ZNF107: variants seen among roughly 807,000 people sequenced by gnomAD.
ZNF107 encodes the protein C2H2 type zinc-finger protein.
In ZNF107, 19 loss-of-function variants were observed where a neutral mutation model predicts 12.3. The observed-to-expected ratio is 1.55, with a 90% CI of 1.08 to 2.27. The LOEUF is 2.27. Among genes scored for constraint, ZNF107 ranks in the 30% most tolerant of loss-of-function variants. The probability of loss-of-function intolerance (pLI) is 0.00; values close to 1 mark genes in which losing one functional copy is unlikely to be tolerated. For synonymous variants in ZNF107, 317 were observed against 330.5 expected (o/e 0.96, Z 0.44); for missense variants, 958 against 979.9 (o/e 0.98, Z 0.30).
intron 1 of ZNF107, among the ~76,000 whole-genome samples, chr7:64,673,167 C>T (rs1290064757): frequency 1.3e-5 from 2 of 152,156 alleles, no homozygotes; most frequent in Non-Finnish European, 2.9e-5. Context: ...CCTCAGCCTC[C>T]CGAGTAGCTG....
chr7:64,703,128 A>G (rs563362549), intron 3 of ZNF107, among the ~76,000 whole-genome samples: 42 of 152,264 alleles, frequency 2.8e-4, no homozygotes, highest in African/African-American at 9.9e-4. Flanking sequence ...TTTATGTTAT[A>G]TATTTTAGGA....
At chr7:64,667,951 C>CG (rs71567858) in intron 1 of ZNF107, among the ~76,000 whole-genome samples, 6 of 138,900 alleles carry the variant, frequency 4.3e-5, no homozygotes, top group African/African-American at 1.4e-4. Context: ...TTCCAGAAGA[C>CG]AAAAAAAAAA....
intron 1 of ZNF107, among the ~76,000 whole-genome samples, chr7:64,680,901 G>A (rs928481642): frequency 6.6e-6 from 1 of 152,276 alleles, no homozygotes; most frequent in Admixed American, 6.5e-5. Context: ...TGGCCTGTAG[G>A]GATTTCAAGG....
At chr7:64,688,413 C>T (rs895608112) in intron 1 of ZNF107, among the ~76,000 whole-genome samples, 2 of 152,034 alleles carry the variant, frequency 1.3e-5, no homozygotes, top group African/African-American at 2.4e-5. Flanking sequence ...CGCACCAAGA[C>T]GTACAGCTAA....
At chr7:64,671,843 G>A (rs1282942976) in intron 1 of ZNF107, among the ~76,000 whole-genome samples, 5 of 146,638 alleles carry the variant, frequency 3.4e-5, no homozygotes, top group East Asian at 2.0e-4. Flanking sequence ...GTGCAGCGGC[G>A]CGATCTCTGC....
At chr7:64,668,296 T>G (rs1789084119) in intron 1 of ZNF107, among the ~76,000 whole-genome samples, 1 of 117,340 alleles carries the variant, frequency 8.5e-6, no homozygotes, top group Non-Finnish European at 1.8e-5. Context: ...CCTAATGCTA[T>G]CCCTCCCCCC....
At chr7:64,695,952 A>T (rs1456253464) in intron 3 of ZNF107, among the ~76,000 whole-genome samples, 1 of 152,190 alleles carries the variant, frequency 6.6e-6, no homozygotes, top group East Asian at 1.9e-4. Context: ...AAGGCCAGGC[A>T]TGGTGGTGGC....
chr7:64,695,868 T>C (rs926026361), intron 3 of ZNF107, among the ~76,000 whole-genome samples: 1 of 152,192 alleles, frequency 6.6e-6, no homozygotes, highest in African/African-American at 2.4e-5. Flanking sequence ...TTTTTTCAGT[T>C]TTTCTTTAAA....
At chr7:64,702,838 C>T (rs368557548) in intron 3 of ZNF107, among the ~76,000 whole-genome samples, 21 of 152,306 alleles carry the variant, frequency 1.4e-4, no homozygotes, top group African/African-American at 4.8e-4. Context: ...GGATTATAGG[C>T]GTGAGCCACC....
At position 64,666,198 on chromosome 7, in the gene ZNF107, T is replaced by G; in HGVS notation, c.-85T>G. ...CTCACTGCTCAGTGTCCTCTGCTCC[T>G]AGAGGCCCAGCCTCTGTGTCCCTGT... On this transcript the variant is annotated 5_prime_UTR_variant, in exon 1 of 4. Transcript: ENST00000620827. The G allele has an allele frequency of 6.4e-7, 1 of 1,554,388 alleles. No homozygotes were observed. The highest frequency in any genetic ancestry group is 8.8e-7 in the Non-Finnish European group (1 of 1,134,188).
intron 3 of ZNF107, among the ~76,000 whole-genome samples, chr7:64,696,819 A>T (rs13231070): frequency 0.26 from 38,822 of 151,760 alleles, 5,321 homozygotes; most frequent in South Asian, 0.43. Context: ...TTATTTATTT[A>T]TTTTTTATTT....
intron 3 of ZNF107, among the ~76,000 whole-genome samples, chr7:64,702,171 C>T (rs936514827): frequency 6.0e-5 from 9 of 149,074 alleles, no homozygotes; most frequent in Admixed American, 3.3e-4. Flanking sequence ...TTTTTTGAGA[C>T]GGAGTCTTGC....
chr7:64,699,924 G>A (rs529752273), intron 3 of ZNF107, among the ~76,000 whole-genome samples: 46 of 151,800 alleles, frequency 3.0e-4, no homozygotes, highest in Non-Finnish European at 6.0e-4. Context: ...AAAATTAGCC[G>A]GGCTTGGTAG....
intron 3 of ZNF107, among the ~76,000 whole-genome samples, chr7:64,693,923 G>A (rs1790202104): frequency 6.6e-6 from 1 of 152,096 alleles, no homozygotes. Context: ...CAAGTAGCTG[G>A]GATTACAGAT....
chr7:64,668,385 C>CT (rs2128954897), intron 1 of ZNF107, among the ~76,000 whole-genome samples: 1 of 146,194 alleles, frequency 6.8e-6, no homozygotes, highest in African/African-American at 2.5e-5. Flanking sequence ...CAATTCCCAC[C>CT]TATAAGTGAG....
At position 64,710,351 on chromosome 7, in the gene ZNF107, C is replaced by T. The variant is rs527922078; in HGVS notation, c.*1695C>T. The T allele has an allele frequency of 2.0e-5, 3 of 152,150 alleles. No individual in the cohort carries two copies. The highest frequency in any genetic ancestry group is 7.2e-5 in the African/African-American group (3 of 41,524). The allele number at this position is 152,150 out of a possible 1,614,324, so 9.4% of individuals were successfully genotyped here. A position where few individuals can be genotyped will look rare whatever the true frequency, so the allele number is the denominator to read the frequency against. Reference sequence around the variant, plus strand: ...TGTGAAAACATTTTTTAAAAAACTACAGCTTAGAAAATACCAGAGGCCTCA... The same window carrying T: ...TGTGAAAACATTTTTTAAAAAACTATAGCTTAGAAAATACCAGAGGCCTCA... On this transcript the variant is annotated 3_prime_UTR_variant, in exon 4 of 4. Coordinates refer to ENST00000620827, the MANE Select transcript of ZNF107 (RefSeq NM_001282359.2).
intron 3 of ZNF107, among the ~76,000 whole-genome samples, chr7:64,702,710 A>T (rs576070876): frequency 1.3e-5 from 2 of 152,026 alleles, no homozygotes; most frequent in Non-Finnish European, 2.9e-5. Context: ...GACATGTGCC[A>T]CTATACCCAG....
chr7:64,676,619 G>A lies in ZNF107; in HGVS notation c.3+10334G>A, dbSNP rs183693435. Among the ~76,000 whole-genome samples the A allele has an allele frequency of 7.7e-4, 117 of 152,272 alleles. 1 individual carries two copies. The highest frequency in any genetic ancestry group is 1.4e-3 in the Non-Finnish European group (96 of 68,028). On this transcript the variant is annotated intron_variant, in intron 1 of 3. Transcript: ENST00000620827. ...AGAGAGAAGTTAATCTGAGAACTGG[G>A]TCACACAAACCTGCCTTTCCCTTTT...
chr7:64,669,028 T>C, intron 1 of ZNF107: 1 of 43,366 alleles, frequency 2.3e-5, no homozygotes, highest in East Asian at 8.1e-4. Flanking sequence ...TTTTTTTTTT[T>C]TTTTTGAGAT....
Sources: gnomAD v4.1 joint callset for allele counts (sites outside exome capture counted in the v4.1 genomes callset) on GRCh38, gnomAD v4.1.1 for gene constraint, MANE v1.5 for transcripts, NCBI Gene and HGNC (gene_info 2026-07-23, HGNC 2026-07-21) for gene names.